NUSAP1: variants seen among roughly 807,000 people sequenced by gnomAD.
NUSAP1 encodes the protein nucleolar and spindle-associated protein 1.
In NUSAP1, 32 loss-of-function variants were observed where a neutral mutation model predicts 52.8. The observed-to-expected ratio is 0.61, with a 90% CI of 0.46 to 0.81. The LOEUF (loss-of-function observed/expected upper bound fraction) is 0.81, where lower values mean the gene tolerates loss of function less well. Ranked by LOEUF, NUSAP1 falls within the 40% of genes least tolerant of loss-of-function variation. The pLI is 0.00. For missense variants in NUSAP1, 499 were observed against 522.3 expected (o/e 0.96, Z 0.43); for synonymous variants, 195 against 183.1 (o/e 1.06, Z -0.52).
chr15:41,376,514 C>T (rs953958996), intron 9 of NUSAP1, among the ~76,000 whole-genome samples: 6 of 151,244 alleles, frequency 4.0e-5, no homozygotes, highest in Non-Finnish European at 2.9e-5. Context: ...ATTGAAACCC[C>T]GTCTCTACCA....
chr15:41,373,415 T>A (rs965620510), intron 8 of NUSAP1, among the ~76,000 whole-genome samples: 1 of 151,302 alleles, frequency 6.6e-6, no homozygotes, highest in African/African-American at 2.4e-5. Context: ...CCATCCTGGA[T>A]ATTTTTAACT....
chr15:41,372,746 G>A (rs1209337728), intron 8 of NUSAP1, among the ~76,000 whole-genome samples: 2 of 152,056 alleles, frequency 1.3e-5, no homozygotes, highest in African/African-American at 2.4e-5. Flanking sequence ...TTTCACAGAT[G>A]TAGGCAAGGG....
intron 9 of NUSAP1, among the ~76,000 whole-genome samples, chr15:41,376,300 G>A (rs1400292851): frequency 4.0e-5 from 6 of 151,730 alleles, no homozygotes; most frequent in Non-Finnish European, 7.4e-5. Flanking sequence ...TTGGGAGGCT[G>A]AGGCAGGACA....
rs780940209 is a variant in NUSAP1, at chr15:41,332,957, G to C, written c.-1G>C. On this transcript the variant is annotated 5_prime_UTR_variant, in exon 1 of 11. Transcript: ENST00000559596. The stretch of plus-strand genomic sequence containing the variant: ...GAGTATCGCCGGGATTTCGAATCGC[G>C]ATGATCATCCCCTCTCTAGAGGAGC... 3 of 1,607,934 alleles carry C rather than the reference G, an allele frequency of 1.9e-6. No homozygotes were observed. The highest frequency in any genetic ancestry group is 2.7e-5 in the African/African-American group (2 of 74,804).
intron 6 of NUSAP1, among the ~76,000 whole-genome samples, chr15:41,361,589 A>G (rs947950433): frequency 6.6e-6 from 1 of 152,160 alleles, no homozygotes; most frequent in Non-Finnish European, 1.5e-5. Context: ...GCTGCTTTCT[A>G]TATTTTGTAA....
intron 7 of NUSAP1, among the ~76,000 whole-genome samples, chr15:41,371,021 A>G (rs1426994544): frequency 6.6e-6 from 1 of 152,234 alleles, no homozygotes; most frequent in African/African-American, 2.4e-5. Flanking sequence ...CTATCAGTCA[A>G]TCAATCAAAT....
chr15:41,337,718 C>T (rs1269093148), intron 1 of NUSAP1, among the ~76,000 whole-genome samples: 1 of 151,974 alleles, frequency 6.6e-6, no homozygotes, highest in African/African-American at 2.4e-5. Flanking sequence ...TTGAACATTC[C>T]CCTCTGCTCC....
rs1321588857 is a variant in NUSAP1, at chr15:41,336,120, C to T, written c.93+3070C>T. Among the ~76,000 whole-genome samples the T allele has an allele frequency of 4.6e-5, 7 of 151,048 alleles. No individual in the cohort carries two copies. In the East Asian group the frequency reaches 9.6e-4, roughly 21 times the overall value. Reference sequence around the variant, plus strand: ...ACTAAAAATACAAAATTTAGCCAGGCGTGGCAGGGGGCACCTGTAATCCCA... The same window carrying T: ...ACTAAAAATACAAAATTTAGCCAGGTGTGGCAGGGGGCACCTGTAATCCCA... On this transcript the variant is annotated intron_variant, in intron 1 of 10. Coordinates refer to ENST00000559596, the MANE Select transcript of NUSAP1 (RefSeq NM_016359.5).
At chr15:41,348,562 T>TAC (rs2048666281) in intron 2 of NUSAP1, among the ~76,000 whole-genome samples, 2 of 152,134 alleles carry the variant, frequency 1.3e-5, no homozygotes, top group South Asian at 4.1e-4. Context: ...TTGAATACTT[T>TAC]ACTACCCTAA....
chr15:41,359,407 A>G (rs2049086017), intron 6 of NUSAP1, among the ~76,000 whole-genome samples: 1 of 152,324 alleles, frequency 6.6e-6, no homozygotes, highest in South Asian at 2.1e-4. Context: ...TAGTCAATTT[A>G]AAAGCGGCAG....
chr15:41,342,302 T>C, intron 1 of NUSAP1, 84 bp from the exon 2 acceptor site: 1 of 890,534 alleles, frequency 1.1e-6, no homozygotes, highest in Non-Finnish European at 1.8e-6. Context: ...GTACATTTAA[T>C]GAATACAAGA....
At chr15:41,333,427 T>C (rs2047996891) in intron 1 of NUSAP1, among the ~76,000 whole-genome samples, 1 of 152,166 alleles carries the variant, frequency 6.6e-6, no homozygotes, top group South Asian at 2.1e-4. Flanking sequence ...AATAATTGGC[T>C]CAGCTTCTGG....
At position 41,377,215 on chromosome 15, in the gene NUSAP1, G is replaced by A. The variant is rs2049977789; in HGVS notation, c.1143G>A (p.Gly381=). ...EPHKGKLKPW[G]QSKENNYLNQ... ...AACTAGGAAAGCTAAAACCATGGGG[G>A]CAATCTAAAGAAAATAATTATCTAA... Residue 381 remains glycine (G), a synonymous_variant, in exon 10 of 11, where the codon GGG becomes GGA. Coordinates refer to ENST00000559596, the MANE Select transcript of NUSAP1 (RefSeq NM_016359.5). 2.6e-6 allele frequency: 4 copies of A among 1,518,940 alleles called. No homozygotes were observed. Among genetic ancestry groups the A allele is most frequent in the Non-Finnish European group, 3.6e-6 (4 of 1,126,666 alleles). 94.1% of individuals were successfully genotyped at this position (1,518,940 alleles called of 1,614,324 possible).
At chr15:41,371,433 C>T in intron 7 of NUSAP1, 94 bp from the exon 8 acceptor site, 1 of 1,072,934 alleles carries the variant, frequency 9.3e-7, no homozygotes, top group South Asian at 2.2e-5. Flanking sequence ...GCCCTTTTCA[C>T]TGCTTGCTAA....
intron 6 of NUSAP1, among the ~76,000 whole-genome samples, chr15:41,363,036 C>T (rs1167893121): frequency 1.3e-5 from 2 of 151,914 alleles, no homozygotes; most frequent in Admixed American, 6.6e-5. Flanking sequence ...CCTGTAATCC[C>T]AGCACTTTGG....
chr15:41,344,633 G>A (rs757891412), intron 2 of NUSAP1, among the ~76,000 whole-genome samples: 19 of 148,304 alleles, frequency 1.3e-4, no homozygotes, highest in Non-Finnish European at 1.9e-4. Context: ...GCGAGACTCC[G>A]TCTCAAAAAA....
In NUSAP1 at chr15:41,374,313, A is replaced by G. The variant is rs192763057; in HGVS notation, c.1007-1399A>G. Among the ~76,000 whole-genome samples the G allele has an allele frequency of 2.6e-5, 4 of 152,186 alleles. No homozygotes were observed. In the East Asian group the frequency reaches 7.7e-4, roughly 29 times the overall value. On this transcript the variant is annotated intron_variant, in intron 8 of 10. Coordinates refer to ENST00000559596, the MANE Select transcript of NUSAP1 (RefSeq NM_016359.5). ...TCAGGGCACTAGCATGATTCTGGTG[A>G]GGGCTGTTTTCCAGGTAGCAGACTA...
Position 41,358,149 on chromosome 15 carries a change from A to T in NUSAP1, c.551A>T (p.Asn184Ile), listed in dbSNP as rs749545413. The change falls in exon 6 of 11, where the codon AAC becomes ATC. Residue 184 changes from asparagine (N) to isoleucine (I), a missense_variant and splice_region_variant. Coordinates refer to ENST00000559596, the MANE Select transcript of NUSAP1 (RefSeq NM_016359.5). ...KNKRTAITTP[N>I]FKKLHEAHFK... is the part of the protein sequence containing the mutation. ...TAATTTTTATATTGGAACATTCTAG[A>T]CTTTAAGAAGCTTCATGAAGCTCAT... 3 of 1,375,356 alleles carry T rather than the reference A, an allele frequency of 2.2e-6. No individual in the cohort carries two copies. In the Admixed American group the frequency reaches 6.1e-5, roughly 28 times the overall value. 85.2% of individuals were successfully genotyped at this position (1,375,356 alleles called of 1,614,324 possible). A position where few individuals can be genotyped will look rare whatever the true frequency, so the allele number is the denominator to read the frequency against.
intron 7 of NUSAP1, among the ~76,000 whole-genome samples, chr15:41,370,734 A>G (rs2049640536): frequency 1.4e-5 from 2 of 142,834 alleles, no homozygotes; most frequent in Non-Finnish European, 3.0e-5. Flanking sequence ...TGGGCGACCG[A>G]GCAAAACTCC....
Sources: allele counts gnomAD v4.1 joint callset (sites outside exome capture counted in the v4.1 genomes callset), GRCh38; gene constraint gnomAD v4.1.1; transcripts MANE v1.5; gene names NCBI Gene and HGNC (gene_info 2026-07-23, HGNC 2026-07-21).